RBFOX1: variants seen among roughly 807,000 people sequenced by gnomAD.
RBFOX1 encodes the protein RNA binding protein fox-1 homolog 1.
RBFOX1 carries 8 observed loss-of-function variants against 57.7 expected under a neutral mutation model. That is an observed-to-expected ratio of 0.14 (90% CI 0.08 to 0.25). The LOEUF is 0.25. Ranked by LOEUF, RBFOX1 falls within the 10% of genes least tolerant of loss-of-function variation. The probability of loss-of-function intolerance (pLI) is 1.00; values close to 1 mark genes in which losing one functional copy is unlikely to be tolerated. For synonymous variants in RBFOX1, 326 were observed against 222.4 expected, an observed-to-expected ratio of 1.47 and a Z score of -4.15; for missense variants, 611 against 548.5, an observed-to-expected ratio of 1.11 and a Z score of -1.14.
chr16:7,382,695 G>C lies in RBFOX1; in HGVS notation c.28-135452G>C, dbSNP rs564034345. On this transcript the variant is annotated intron_variant, in intron 4 of 15. Transcript: ENST00000550418. Reference sequence around the variant, plus strand: ...TGGATTCATTTTCTAACAGAGGATAGTCACCTAATTAAAACGTTAATACAC... The same window carrying C: ...TGGATTCATTTTCTAACAGAGGATACTCACCTAATTAAAACGTTAATACAC... 2.0e-5 allele frequency among the ~76,000 whole-genome samples: 3 copies of C among 152,336 alleles called. No homozygotes were observed. The East Asian group carries it at 5.8e-4, about 29-fold the overall frequency.
intron 2 of RBFOX1, among the ~76,000 whole-genome samples, chr16:6,624,080 T>C (rs1025461169): frequency 3.9e-5 from 6 of 152,100 alleles, no homozygotes; most frequent in African/African-American, 1.4e-4. Context: ...CTATGGTCCA[T>C]TTCACAACTA....
chr16:6,703,214 A>G (rs1454386250), intron 3 of RBFOX1, among the ~76,000 whole-genome samples: 1 of 152,174 alleles, frequency 6.6e-6, no homozygotes, highest in African/African-American at 2.4e-5. Flanking sequence ...TGGCTACTGT[A>G]AATAATGCTT....
At chr16:7,348,044 C>G (rs1358105944) in intron 4 of RBFOX1, among the ~76,000 whole-genome samples, 1 of 152,188 alleles carries the variant, frequency 6.6e-6, no homozygotes, top group Non-Finnish European at 1.5e-5. Context: ...AAGCTCGTTG[C>G]CTCCTTTGAC....
intron 3 of RBFOX1, among the ~76,000 whole-genome samples, chr16:6,689,496 T>A (rs2059909310): frequency 6.6e-6 from 1 of 152,212 alleles, no homozygotes; most frequent in South Asian, 2.1e-4. Flanking sequence ...GTAAGTGTAT[T>A]TAATGCACAA....
chr16:6,280,671 G>C (rs2076280471), intron 1 of RBFOX1, among the ~76,000 whole-genome samples: 1 of 152,024 alleles, frequency 6.6e-6, no homozygotes, highest in Non-Finnish European at 1.5e-5. Flanking sequence ...TTAAGATAGG[G>C]AAATTATATA....
chr16:6,630,239 C>G (rs368555966), intron 2 of RBFOX1, among the ~76,000 whole-genome samples: 2 of 152,242 alleles, frequency 1.3e-5, no homozygotes, highest in East Asian at 3.9e-4. Flanking sequence ...GAAGATGCTT[C>G]TTCATCCTTC....
intron 2 of RBFOX1, among the ~76,000 whole-genome samples, chr16:6,584,720 G>T (rs542935255): frequency 5.9e-5 from 9 of 151,934 alleles, no homozygotes; most frequent in Admixed American, 2.0e-4. Context: ...GCTACTCCCA[G>T]TCCTTCCACC....
At chr16:7,551,065 G>C (rs948985335) in intron 5 of RBFOX1, among the ~76,000 whole-genome samples, 1 of 138,414 alleles carries the variant, frequency 7.2e-6, no homozygotes, top group African/African-American at 2.7e-5. Context: ...TCACACTCCA[G>C]CCTGGGCAAC....
chr16:5,604,973 T>C (rs764946036), downstream of RBFOX1, among the ~76,000 whole-genome samples: 86 of 152,278 alleles, frequency 5.6e-4, no homozygotes, highest in Non-Finnish European at 8.4e-4. Flanking sequence ...GTGATCTGTG[T>C]TGTTCAGAGG....
chr16:5,747,516 G>C (rs374857732), intron 3 of RBFOX1, among the ~76,000 whole-genome samples: 2 of 152,144 alleles, frequency 1.3e-5, no homozygotes, highest in African/African-American at 2.4e-5. Context: ...TCTGATGCTA[G>C]AGTTTTTTTG....
chr16:5,458,052 G>A (rs562329308), intron 1 of RBFOX1, among the ~76,000 whole-genome samples: 1 of 152,212 alleles, frequency 6.6e-6, no homozygotes, highest in South Asian at 2.1e-4. Context: ...AGAAAAAAAT[G>A]CTTTAAGAAC....
intron 4 of RBFOX1, among the ~76,000 whole-genome samples, chr16:5,879,237 C>G (rs1267069007): frequency 3.3e-5 from 5 of 152,196 alleles, no homozygotes; most frequent in Non-Finnish European, 7.4e-5. Context: ...TTCCTGAGTT[C>G]CAATGAGCAA....
rs374335629 is a variant in RBFOX1, at chr16:5,812,224, G to A, written c.319-55079G>A. ...ACACTTGGTTTATTTACAGGGTTTG[G>A]TCGTTACAAATAATGCGGATATGAA... On this transcript the variant is annotated intron_variant, in intron 3 of 19. Coordinates refer to the RBFOX1 transcript ENST00000641259. Among the ~76,000 whole-genome samples the A allele has an allele frequency of 1.6e-3, 237 of 152,268 alleles. 1 individual carries two copies. Among genetic ancestry groups the A allele is most frequent in the South Asian group, 3.9e-3 (19 of 4,828 alleles).
chr16:5,728,394 A>T (rs1596996548), intron 3 of RBFOX1, among the ~76,000 whole-genome samples: 1 of 152,172 alleles, frequency 6.6e-6, no homozygotes, highest in Admixed American at 6.5e-5. Flanking sequence ...TGTGCAAAGG[A>T]ATGGTCTTGT....
intron 10 of RBFOX1, among the ~76,000 whole-genome samples, chr16:7,622,490 A>G (rs930904384): frequency 1.3e-5 from 2 of 152,206 alleles, no homozygotes; most frequent in Non-Finnish European, 2.9e-5. Flanking sequence ...AGTTGGAGTG[A>G]GTCATTAAAA....
rs189566071 is a variant in RBFOX1, at chr16:5,305,221, C to T, written c.219+65116C>T. Among the ~76,000 whole-genome samples the T allele has an allele frequency of 9.8e-4, 149 of 152,268 alleles. 1 individual carries two copies. The highest frequency in any genetic ancestry group is 3.9e-3 in the Admixed American group (60 of 15,292). On this transcript the variant is annotated intron_variant, in intron 1 of 2. Coordinates refer to the RBFOX1 transcript ENST00000585867. ...AGAATCAGTGAGGGACCGGTTTCAC[C>T]TGCTACACTTCATTACATAAGCTGG...
intron 3 of RBFOX1, among the ~76,000 whole-genome samples, chr16:6,737,408 G>C (rs1051100007): frequency 2.6e-5 from 4 of 152,162 alleles, no homozygotes; most frequent in African/African-American, 9.7e-5. Context: ...CTTCATGTAA[G>C]TGTGCATCAC....
chr16:6,549,531 AGGAGGAGG>A (rs1205902467), intron 2 of RBFOX1, among the ~76,000 whole-genome samples: 2 of 67,770 alleles, frequency 3.0e-5, no homozygotes, highest in Non-Finnish European at 5.6e-5. Context: ...AGGAGGGAGG[AGGAGGAGG>A]GGAGGAGGAG....
At chr16:7,613,470 G>T (rs2057911389) in intron 10 of RBFOX1, among the ~76,000 whole-genome samples, 1 of 152,164 alleles carries the variant, frequency 6.6e-6, no homozygotes, top group Non-Finnish European at 1.5e-5. Flanking sequence ...ATTTCAGAAA[G>T]AACCTGGCCA....
Sources: allele counts gnomAD v4.1 joint callset (sites outside exome capture counted in the v4.1 genomes callset), GRCh38; gene constraint gnomAD v4.1.1; transcripts MANE v1.5; gene names NCBI Gene and HGNC (gene_info 2026-07-23, HGNC 2026-07-21).